Variants in AJAP1 observed in about 807,000 individuals in gnomAD.
AJAP1 encodes adherens junctions associated protein 1.
A neutral mutation model predicts 35.0 loss-of-function variants in AJAP1; 5 were observed. The ratio of observed to expected loss-of-function variants is 0.14; its 90% CI spans 0.07 to 0.30. The LOEUF is 0.30. Among genes scored for constraint, AJAP1 ranks in the 10% least tolerant of loss-of-function variants. The pLI is 1.00. For missense variants in AJAP1, 586 were observed against 571.0 expected, an observed-to-expected ratio of 1.03 and a Z score of -0.27; for synonymous variants, 284 against 249.3, an observed-to-expected ratio of 1.14 and a Z score of -1.31.
intron 5 of AJAP1, 48 bp downstream of exon 5, chr1:4,774,606 C>A: frequency 2.8e-6 from 3 of 1,054,198 alleles, no homozygotes; most frequent in East Asian, 2.4e-5. Flanking sequence ...CTTTCCTCCC[C>A]TCCCCACTGC....
At chr1:4,659,910 T>C (rs1638964789) in intron 1 of AJAP1, among the ~76,000 whole-genome samples, 2 of 152,206 alleles carry the variant, frequency 1.3e-5, no homozygotes, top group Non-Finnish European at 2.9e-5. Context: ...GATGACCTGA[T>C]GACCCAAAAA....
In AJAP1 at chr1:4,771,859, C is replaced by CA. The variant is rs1406689168; in HGVS notation, c.918-420dup. Among the ~76,000 whole-genome samples, 5 of 152,172 alleles carry CA rather than the reference C, an allele frequency of 3.3e-5. No homozygotes were observed. The East Asian group carries it at 9.7e-4, about 30-fold the overall frequency. On this transcript the variant is annotated intron_variant, in intron 3 of 5. Transcript: ENST00000378191. ...TCCATTCTGAGATGAAGGAACGGAC[C>CA]ACCCCAACCTGTACCCAAAGGCTCC... is the stretch of plus-strand genomic sequence containing the variant.
At chr1:4,739,651 G>A (rs1032796887) in intron 2 of AJAP1, among the ~76,000 whole-genome samples, 4 of 152,254 alleles carry the variant, frequency 2.6e-5, no homozygotes, top group African/African-American at 7.2e-5. Flanking sequence ...ATGACCCTTG[G>A]AGCATATTTT....
chr1:4,692,252 G>A lies in AJAP1; in HGVS notation c.30-19648G>A, dbSNP rs138575670. Among the ~76,000 whole-genome samples the A allele has an allele frequency of 1.1e-4, 16 of 152,206 alleles. No homozygotes were observed. Among genetic ancestry groups the A allele is most frequent in the East Asian group, 9.7e-4 (5 of 5,146 alleles). On this transcript the variant is annotated intron_variant, in intron 1 of 5. Coordinates refer to ENST00000378191, the MANE Select transcript of AJAP1 (RefSeq NM_018836.4). This position sits in a 1 kb window ranked among gnomAD's most constrained non-coding sequence, Gnocchi z 4.4. Reference sequence around the variant, plus strand: ...CTGCTGCCTCCCGCCGCTGCCTCCCGCCACCAGGACAGGGTTGTCAGGGCT... The same window carrying A: ...CTGCTGCCTCCCGCCGCTGCCTCCCACCACCAGGACAGGGTTGTCAGGGCT...
At chr1:4,691,334 G>A (rs995022260) in intron 1 of AJAP1, among the ~76,000 whole-genome samples, 7 of 152,198 alleles carry the variant, frequency 4.6e-5, no homozygotes, top group Admixed American at 3.9e-4. Flanking sequence ...GGGTCAGGCC[G>A]GGCACACTGA....
intron 1 of AJAP1, among the ~76,000 whole-genome samples, chr1:4,704,740 C>T (rs1342986215): frequency 6.6e-6 from 1 of 152,182 alleles, no homozygotes; most frequent in Non-Finnish European, 1.5e-5. Flanking sequence ...ACACTGACTT[C>T]CACGATGGTT....
At chr1:4,767,719 C>G (rs1168034408) in intron 2 of AJAP1, among the ~76,000 whole-genome samples, 1 of 152,202 alleles carries the variant, frequency 6.6e-6, no homozygotes, top group African/African-American at 2.4e-5. Context: ...CCATCATCAC[C>G]ACCATCACCA....
At chr1:4,683,045 C>A (rs758604831) in intron 1 of AJAP1, among the ~76,000 whole-genome samples, 1 of 152,204 alleles carries the variant, frequency 6.6e-6, no homozygotes, top group Non-Finnish European at 1.5e-5. Flanking sequence ...TGTGTAGGAT[C>A]CAAGTGCCCT....
At position 4,783,577 on chromosome 1, in the gene AJAP1, A is replaced by G. The variant is rs1642111859; in HGVS notation, c.*1092A>G. On this transcript the variant is annotated 3_prime_UTR_variant, in exon 6 of 6. Coordinates refer to ENST00000378191, the MANE Select transcript of AJAP1 (RefSeq NM_018836.4). ...TGTGTATATATATGTTTGTGTATAT[A>G]TATACACATATGCATACATATGATT... 6.8e-6 allele frequency: 1 copy of G among 147,592 alleles called. No individual in the cohort carries two copies. Among genetic ancestry groups the G allele is most frequent in the Non-Finnish European group, 1.5e-5 (1 of 67,280 alleles). 9.1% of individuals were successfully genotyped at this position (147,592 alleles called of 1,614,324 possible).
chr1:4,781,118 C>T (rs527714193), intron 5 of AJAP1, among the ~76,000 whole-genome samples: 130 of 152,302 alleles, frequency 8.5e-4, no homozygotes, highest in African/African-American at 2.9e-3. Flanking sequence ...TGATCAGGGA[C>T]GCAGTGCTGT....
intron 1 of AJAP1, among the ~76,000 whole-genome samples, chr1:4,709,276 G>T (rs941859497): frequency 6.6e-6 from 1 of 151,384 alleles, no homozygotes; most frequent in African/African-American, 2.4e-5. Context: ...GGGCCGGTGG[G>T]GCCTGGTGGA....
intron 2 of AJAP1, among the ~76,000 whole-genome samples, chr1:4,760,110 A>G (rs1345525779): frequency 6.6e-6 from 1 of 152,212 alleles, no homozygotes; most frequent in East Asian, 1.9e-4. Flanking sequence ...AACGGCCACC[A>G]AGCTCAAAGT....
At chr1:4,716,944 A>G (rs1333385803) in intron 2 of AJAP1, among the ~76,000 whole-genome samples, 1 of 152,136 alleles carries the variant, frequency 6.6e-6, no homozygotes, top group East Asian at 1.9e-4. Flanking sequence ...TGGGATGGAA[A>G]ATCACCTGGC....
At chr1:4,773,151 T>C (rs1641876219) in intron 4 of AJAP1, among the ~76,000 whole-genome samples, 1 of 152,178 alleles carries the variant, frequency 6.6e-6, no homozygotes, top group South Asian at 2.1e-4. Flanking sequence ...TTTTTTTAAG[T>C]GAGCATACAT....
Position 4,792,318 on chromosome 1 carries a change from C to A in AJAP1, c.*9833C>A, listed in dbSNP as rs968296212. 3.8e-5 allele frequency: 5 copies of A among 130,624 alleles called. No individual in the cohort carries two copies. The highest frequency in any genetic ancestry group is 7.6e-5 in the Non-Finnish European group (5 of 65,714). 8.1% of individuals were successfully genotyped at this position (130,624 alleles called of 1,614,324 possible). Reference sequence around the variant, plus strand: ...TAATCATGTTAATAAACAAAAATGACACAATATATGTGGGTGGGGGGCGGG... The same window carrying A: ...TAATCATGTTAATAAACAAAAATGAAACAATATATGTGGGTGGGGGGCGGG... On this transcript the variant is annotated 3_prime_UTR_variant, in exon 6 of 6. Coordinates refer to ENST00000378191, the MANE Select transcript of AJAP1 (RefSeq NM_018836.4).
Position 4,785,438 on chromosome 1 carries a change from T to A in AJAP1, c.*2953T>A, listed in dbSNP as rs1046568091. 6.6e-6 allele frequency: 1 copy of A among 152,152 alleles called. No homozygotes were observed. The highest frequency in any genetic ancestry group is 1.5e-5 in the Non-Finnish European group (1 of 68,050). 9.4% of individuals were successfully genotyped at this position (152,152 alleles called of 1,614,324 possible). Reference sequence around the variant, plus strand: ...TTTACTTTTTTAAATGGTTACCTGCTCTCCCAGACCCCTCACCTGGGATTG... The same window carrying A: ...TTTACTTTTTTAAATGGTTACCTGCACTCCCAGACCCCTCACCTGGGATTG... On this transcript the variant is annotated 3_prime_UTR_variant, in exon 6 of 6. Transcript: ENST00000378191.
At chr1:4,710,071 GTCTC>G (rs1640192881) in intron 1 of AJAP1, among the ~76,000 whole-genome samples, 2 of 151,830 alleles carry the variant, frequency 1.3e-5, no homozygotes, top group South Asian at 2.1e-4. Context: ...CACACATAGA[GTCTC>G]TCACACAGAC....
chr1:4,754,861 A>G (rs1487081457), intron 2 of AJAP1, among the ~76,000 whole-genome samples: 1 of 140,910 alleles, frequency 7.1e-6, no homozygotes, highest in East Asian at 1.9e-4. Flanking sequence ...CTCTCCCCTC[A>G]TCTCAACCTG....
Position 4,693,620 on chromosome 1 carries a change from T to G in AJAP1, c.30-18280T>G, listed in dbSNP as rs1205673895. Among the ~76,000 whole-genome samples the G allele has an allele frequency of 2.0e-5, 3 of 152,300 alleles. No individual in the cohort carries two copies. The East Asian group carries it at 5.8e-4, about 29-fold the overall frequency. On this transcript the variant is annotated intron_variant, in intron 1 of 5. Coordinates refer to ENST00000378191, the MANE Select transcript of AJAP1 (RefSeq NM_018836.4). The surrounding 1 kb of genome is among the most constrained non-coding windows in gnomAD (Gnocchi z 4.4). ...GACTTGATTAGTGCCTGTCTTAGCC[T>G]GTTTTATGCGGCTCTAACAATATAT...
Sources: gnomAD v4.1 joint callset for allele counts (sites outside exome capture counted in the v4.1 genomes callset) on GRCh38, gnomAD v4.1.1 for gene constraint, Gnocchi (gnomAD v3.1) non-coding constraint, MANE v1.5 for transcripts, NCBI Gene and HGNC (gene_info 2026-07-23, HGNC 2026-07-21) for gene names.